The following C17orf107 variants were observed in gnomAD, a reference collection of about 807,000 sequenced individuals.
The protein encoded by C17orf107 is uncharacterized protein C17orf107.
C17orf107 carries 9 observed loss-of-function variants against 8.9 expected under a neutral mutation model. That is an observed-to-expected ratio of 1.02 (90% confidence interval 0.61 to 1.77). The LOEUF is 1.77. C17orf107 is among the 40% of genes most tolerant of loss of function. The pLI is 0.00. For missense variants in C17orf107, 281 were observed against 249.0 expected (o/e 1.13, Z -0.86); for synonymous variants, 139 against 120.3 (o/e 1.16, Z -1.02).
Position 4,900,100 on chromosome 17 carries a change from A to AG in C17orf107, c.232dup (p.Glu78GlyfsTer165). ...AGCCCACCCTGGGGCTGGTGTTGAG[A>AG]GAAGCCACAGCCAGCCTCGTGAGCT... On this transcript the variant is annotated frameshift_variant, in exon 2 of 3. Transcript: ENST00000381365. LOFTEE classifies it low-confidence loss of function (END_TRUNC). 1 of 1,550,760 alleles carries AG rather than the reference A, an allele frequency of 6.4e-7. No individual in the cohort carries two copies. Among genetic ancestry groups the AG allele is most frequent in the Non-Finnish European group, 8.7e-7 (1 of 1,146,982 alleles).
Position 4,901,897 on chromosome 17 carries a change from A to G in C17orf107, c.*1364A>G. On this transcript the variant is annotated 3_prime_UTR_variant, in exon 3 of 3. Coordinates refer to ENST00000381365, the MANE Select transcript of C17orf107 (RefSeq NM_001145536.2). The stretch of plus-strand genomic sequence containing the variant: ...CCGCCCCATAAGGCCCCCCCCCAAC[A>G]ATAATCGTCCGGGCCTCGGAGTAGC... 1 of 1,286,982 alleles carries G rather than the reference A, an allele frequency of 7.8e-7. No individual in the cohort carries two copies. Among genetic ancestry groups the G allele is most frequent in the Non-Finnish European group, 1.1e-6 (1 of 924,616 alleles). 79.7% of individuals were successfully genotyped at this position (1,286,982 alleles called of 1,614,324 possible). A position where few individuals can be genotyped will look rare whatever the true frequency, so the allele number is the denominator to read the frequency against.
In C17orf107 at chr17:4,901,944, G is replaced by C. The variant is rs121909516; in HGVS notation, c.*1411G>C. ...TAGCTCTTCCCACCGGAAAATAAGC[G>C]AACAGTTCTGCCAATCGAAGGGGAA... is the stretch of plus-strand genomic sequence containing the variant. On this transcript the variant is annotated 3_prime_UTR_variant, in exon 3 of 3. Coordinates refer to ENST00000381365, the MANE Select transcript of C17orf107 (RefSeq NM_001145536.2). 44 of 1,612,372 alleles carry C rather than the reference G, an allele frequency of 2.7e-5. No individual in the cohort carries two copies. In the Middle Eastern group the frequency reaches 6.6e-4, roughly 24 times the overall value.
chr17:4,900,248 G>A lies in C17orf107; in HGVS notation c.288G>A (p.Leu96=), dbSNP rs533306508. The A allele has an allele frequency of 6.5e-7, 1 of 1,547,246 alleles. No individual in the cohort carries two copies. ...FGTTLLEISA[L]WLQQEARRLD... is the part of the protein sequence containing the mutation. ...TGCCCCCAATGCAGATCTCAGCCCT[G>A]TGGCTGCAGCAGGAGGCGCGGCGAC... is the stretch of plus-strand genomic sequence containing the variant. Residue 96 remains leucine (L), a synonymous_variant, in exon 3 of 3, where the codon CTG becomes CTA. Coordinates refer to ENST00000381365, the MANE Select transcript of C17orf107 (RefSeq NM_001145536.2).
chr17:4,902,508 A>T lies in C17orf107; in HGVS notation c.*1975A>T, dbSNP rs1187155078. On this transcript the variant is annotated 3_prime_UTR_variant, in exon 3 of 3. Transcript: ENST00000381365. The surrounding 1 kb of genome is among the most constrained non-coding windows in gnomAD (Gnocchi z 4.0). ...CTCTTTTTCATTCTGCAGATGGGAGATGGGGATGATTGAAGTGAGATTTCA... is the reference window on the plus strand; with the variant it reads ...CTCTTTTTCATTCTGCAGATGGGAGTTGGGGATGATTGAAGTGAGATTTCA... The T allele has an allele frequency of 6.2e-7, 1 of 1,613,890 alleles. No homozygotes were observed. The highest frequency in any genetic ancestry group is 2.2e-5 in the East Asian group (1 of 44,872).
At position 4,901,892 on chromosome 17, in the gene C17orf107, C is replaced by G. The variant is rs200473812; in HGVS notation, c.*1359C>G. On this transcript the variant is annotated 3_prime_UTR_variant, in exon 3 of 3. Coordinates refer to ENST00000381365, the MANE Select transcript of C17orf107 (RefSeq NM_001145536.2). ...TGGCCCCGCCCCATAAGGCCCCCCC[C>G]CAACAATAATCGTCCGGGCCTCGGA... The G allele has an allele frequency of 8.7e-4, 1,401 of 1,606,670 alleles. 10 individuals carry two copies. The highest frequency in any genetic ancestry group is 3.2e-3 in the South Asian group (289 of 90,860).
rs1195078379 is a variant in C17orf107, at chr17:4,900,223, T to C, written c.277-14T>C. The C allele has an allele frequency of 6.5e-7, 1 of 1,546,042 alleles. No individual in the cohort carries two copies. The highest frequency in any genetic ancestry group is 8.7e-7 in the Non-Finnish European group (1 of 1,145,122). On this transcript the variant is annotated splice_polypyrimidine_tract_variant and intron_variant, in intron 2 of 2. Coordinates refer to ENST00000381365, the MANE Select transcript of C17orf107 (RefSeq NM_001145536.2). ...ACCTCTGCCTCCCCGCTAACCCCTG[T>C]GCCCCCAATGCAGATCTCAGCCCTG...
Position 4,902,522 on chromosome 17 carries a change from AG to A in C17orf107, c.*1990del. 1 of 1,614,128 alleles carries A rather than the reference AG, an allele frequency of 6.2e-7. No homozygotes were observed. Among genetic ancestry groups the A allele is most frequent in the Non-Finnish European group, 8.5e-7 (1 of 1,180,012 alleles). The stretch of plus-strand genomic sequence containing the variant: ...GCAGATGGGAGATGGGGATGATTGA[AG>A]TGAGATTTCAGGGCCAGAAGTGAGC... On this transcript the variant is annotated 3_prime_UTR_variant, in exon 3 of 3. Transcript: ENST00000381365. This position sits in a 1 kb window ranked among gnomAD's most constrained non-coding sequence, Gnocchi z 4.0.
rs1015081055 is a variant in C17orf107 at position 4,900,753 on chromosome 17, C to G, written c.*220C>G. On this transcript the variant is annotated 3_prime_UTR_variant, in exon 3 of 3. Transcript: ENST00000381365. Reference sequence around the variant, plus strand: ...TCTGGGTTTTGGCCACGCCCCCACCCTTCACACTGGCCACACCCCCGCGGG... The same window carrying G: ...TCTGGGTTTTGGCCACGCCCCCACCGTTCACACTGGCCACACCCCCGCGGG... 3 of 1,586,390 alleles carry G rather than the reference C, an allele frequency of 1.9e-6. No homozygotes were observed. The highest frequency in any genetic ancestry group is 2.7e-5 in the African/African-American group (2 of 74,134).
At position 4,902,770 on chromosome 17, in the gene C17orf107, T is replaced by TG. The variant is rs550750896; in HGVS notation, c.*2241dup. ...TTCTTCCCCACACCCCTGCCTGCGA[T>TG]GGGGTCAAGAAGGAAGGGTCATTGG... is the stretch of plus-strand genomic sequence containing the variant. On this transcript the variant is annotated 3_prime_UTR_variant, in exon 3 of 3. Coordinates refer to ENST00000381365, the MANE Select transcript of C17orf107 (RefSeq NM_001145536.2). This position sits in a 1 kb window ranked among gnomAD's most constrained non-coding sequence, Gnocchi z 4.0. The TG allele has an allele frequency of 4.5e-4, 726 of 1,613,866 alleles. No homozygotes were observed. The highest frequency in any genetic ancestry group is 5.8e-4 in the Non-Finnish European group (689 of 1,180,002).
rs1470742804 is a variant in C17orf107 at position 4,900,081 on chromosome 17, C to G, written c.212C>G (p.Thr71Ser). ...GGGATGCTGCCTGCCCCGAAGCCCA[C>G]CCTGGGGCTGGTGTTGAGAGAAGCC... ...MQGMLPAPKP[T>S]LGLVLREATA... Residue 71 changes from threonine (T) to serine (S), a missense_variant, in exon 2 of 3, where the codon ACC becomes AGC. Physicochemically the swap from Thr to Ser is moderately conservative, Grantham distance 58. Coordinates refer to ENST00000381365, the MANE Select transcript of C17orf107 (RefSeq NM_001145536.2). 1.3e-6 allele frequency: 2 copies of G among 1,551,002 alleles called. No homozygotes were observed. The highest frequency in any genetic ancestry group is 4.9e-5 in the East Asian group (2 of 40,932).
chr17:4,904,317 C>A (rs59395633), downstream of C17orf107, among the ~76,000 whole-genome samples: 3,286 of 152,188 alleles, frequency 0.022, 98 homozygotes, highest in African/African-American at 0.067. Flanking sequence ...CCTGCCTCAG[C>A]TTCCCAAAGG....
Position 4,901,728 on chromosome 17 carries a change from C to A in C17orf107, c.*1195C>A. The A allele has an allele frequency of 7.7e-7, 1 of 1,304,368 alleles. No homozygotes were observed. Among genetic ancestry groups the A allele is most frequent in the South Asian group, 1.2e-5 (1 of 83,170 alleles). The allele number at this position is 1,304,368 out of a possible 1,614,324, so 80.8% of individuals were successfully genotyped here. A position where few individuals can be genotyped will look rare whatever the true frequency, so the allele number is the denominator to read the frequency against. ...GATCTAGCGGGGCCGCGATCCCAAG[C>A]CCACCCCTTCACCCAAGCCCAGCCC... On this transcript the variant is annotated 3_prime_UTR_variant, in exon 3 of 3. Transcript: ENST00000381365.
Position 4,901,108 on chromosome 17 carries a change from A to G in C17orf107, c.*575A>G, listed in dbSNP as rs1457651614. Reference sequence around the variant, plus strand: ...GGATGATGAGCGAGTAGATGACGTCAGTCTCCCCTGGGCCGTCGGTGGCGC... The same window carrying G: ...GGATGATGAGCGAGTAGATGACGTCGGTCTCCCCTGGGCCGTCGGTGGCGC... On this transcript the variant is annotated 3_prime_UTR_variant, in exon 3 of 3. Transcript: ENST00000381365. 6.2e-6 allele frequency: 10 copies of G among 1,613,528 alleles called. No homozygotes were observed. Among genetic ancestry groups the G allele is most frequent in the Non-Finnish European group, 8.5e-6 (10 of 1,179,948 alleles).
chr17:4,902,604 G>A lies in C17orf107; in HGVS notation c.*2071G>A. On this transcript the variant is annotated 3_prime_UTR_variant, in exon 3 of 3. Coordinates refer to ENST00000381365, the MANE Select transcript of C17orf107 (RefSeq NM_001145536.2). This position sits in a 1 kb window ranked among gnomAD's most constrained non-coding sequence, Gnocchi z 4.0. ...AAGTGGGATTTTTGGCTTAAGATGA[G>A]GGTGGGGGTAGCTTACCAGTGAGAT... 1 of 1,614,158 alleles carries A rather than the reference G, an allele frequency of 6.2e-7. No homozygotes were observed. Among genetic ancestry groups the A allele is most frequent in the Non-Finnish European group, 8.5e-7 (1 of 1,180,034 alleles).
At position 4,901,879 on chromosome 17, in the gene C17orf107, AT is replaced by A; in HGVS notation, c.*1347del. On this transcript the variant is annotated 3_prime_UTR_variant, in exon 3 of 3. Transcript: ENST00000381365. ...GGTGCTTCCCGGTTGGCCCCGCCCC[AT>A]AAGGCCCCCCCCCAACAATAATCGT... 2.6e-4 allele frequency: 210 copies of A among 804,790 alleles called. No homozygotes were observed. The highest frequency in any genetic ancestry group is 3.8e-4 in the Non-Finnish European group (184 of 488,980). The allele number at this position is 804,790 out of a possible 1,614,324, so 49.9% of individuals were successfully genotyped here.
Position 4,902,377 on chromosome 17 carries a change from C to T in C17orf107, c.*1844C>T, listed in dbSNP as rs775453381. The stretch of plus-strand genomic sequence containing the variant: ...CGTGCCCTGCATCTCCCACCTGGCG[C>T]TGCCTGGGAGGGGTTTGGGGGAAAA... On this transcript the variant is annotated 3_prime_UTR_variant, in exon 3 of 3. Coordinates refer to ENST00000381365, the MANE Select transcript of C17orf107 (RefSeq NM_001145536.2). The surrounding 1 kb of genome is among the most constrained non-coding windows in gnomAD (Gnocchi z 4.0). 1 of 1,613,252 alleles carries T rather than the reference C, an allele frequency of 6.2e-7. No individual in the cohort carries two copies. The highest frequency in any genetic ancestry group is 8.5e-7 in the Non-Finnish European group (1 of 1,179,260).
In C17orf107 at chr17:4,899,675, C is replaced by T. The variant is rs932065785; in HGVS notation, c.-88C>T. The T allele has an allele frequency of 1.8e-5, 26 of 1,441,908 alleles. No individual in the cohort carries two copies. Among genetic ancestry groups the T allele is most frequent in the Middle Eastern group, 1.7e-4 (1 of 5,730 alleles). The allele number at this position is 1,441,908 out of a possible 1,614,324, so 89.3% of individuals were successfully genotyped here. ...CTCACAAACACGGCTTCTCCTGGTA[C>T]GGGCTGGTTACGCCCTCCAGCTGCG... is the stretch of plus-strand genomic sequence containing the variant. On this transcript the variant is annotated 5_prime_UTR_variant, in exon 1 of 3. The change creates a new upstream start codon in the 5' untranslated region. Coordinates refer to ENST00000381365, the MANE Select transcript of C17orf107 (RefSeq NM_001145536.2).
chr17:4,903,830 AC>A (rs1171725870), downstream of C17orf107, among the ~76,000 whole-genome samples: 2 of 151,952 alleles, frequency 1.3e-5, no homozygotes, highest in African/African-American at 4.8e-5. Context: ...ACCTGATGAC[AC>A]CTTAATAGAT....
In C17orf107 at chr17:4,900,889, G is replaced by A. The variant is rs201841042; in HGVS notation, c.*356G>A. On this transcript the variant is annotated 3_prime_UTR_variant, in exon 3 of 3. Transcript: ENST00000381365. ...GGCGAGCAGGACGTTGATGGAGACC[G>A]TGCATTTCTGGCCGCCGGCTGGAGG... is the stretch of plus-strand genomic sequence containing the variant. 8 of 1,614,184 alleles carry A rather than the reference G, an allele frequency of 5.0e-6. No individual in the cohort carries two copies. Among genetic ancestry groups the A allele is most frequent in the South Asian group, 2.2e-5 (2 of 91,084 alleles).
Sources: gnomAD v4.1 joint callset for allele counts (sites outside exome capture counted in the v4.1 genomes callset) on GRCh38, gnomAD v4.1.1 for gene constraint, Gnocchi (gnomAD v3.1) non-coding constraint, MANE v1.5 for transcripts, NCBI Gene and HGNC (gene_info 2026-07-23, HGNC 2026-07-21) for gene names.